Variants in ERC2 observed in about 807,000 individuals in gnomAD.
The protein encoded by ERC2 is ERC protein 2.
ERC2 carries 42 observed loss-of-function variants against 114.8 expected under a neutral mutation model. That is an observed-to-expected ratio of 0.37 (90% confidence interval 0.29 to 0.47). The LOEUF (loss-of-function observed/expected upper bound fraction) is 0.47, where lower values mean the gene tolerates loss of function less well. Among genes scored for constraint, ERC2 ranks in the 20% least tolerant of loss-of-function variants. The pLI is 0.99. For missense variants in ERC2, 939 were observed against 1,150.7 expected (o/e 0.82, Z 2.66); for synonymous variants, 454 against 425.5 (o/e 1.07, Z -0.82).
chr3:55,770,950 C>T (rs2068155341), intron 14 of ERC2, among the ~76,000 whole-genome samples: 1 of 152,170 alleles, frequency 6.6e-6, no homozygotes, highest in South Asian at 2.1e-4. Context: ...CTAGCTTCAT[C>T]CATGCCCCTG....
intron 6 of ERC2, among the ~76,000 whole-genome samples, chr3:56,104,947 G>GT (rs1185189204): frequency 6.7e-6 from 1 of 150,006 alleles, no homozygotes; most frequent in East Asian, 2.0e-4. Context: ...CCTGCAGTTG[G>GT]AGGGAGCTGC....
chr3:56,255,115 T>C (rs922159415), intron 3 of ERC2, among the ~76,000 whole-genome samples: 2 of 152,246 alleles, frequency 1.3e-5, no homozygotes, highest in African/African-American at 4.8e-5. Flanking sequence ...AACACAGTTA[T>C]CATTTGTTCA....
intron 17 of ERC2, among the ~76,000 whole-genome samples, chr3:55,558,589 G>T (rs2055786375): frequency 6.6e-6 from 1 of 152,248 alleles, no homozygotes; most frequent in African/African-American, 2.4e-5. Context: ...GAAGTTAACA[G>T]AAGTTTGTCT....
At position 55,777,702 on chromosome 3, in the gene ERC2, G is replaced by A. The variant is rs149863212; in HGVS notation, c.2565-42784C>T. Among the ~76,000 whole-genome samples, 8 of 152,216 alleles carry A rather than the reference G, an allele frequency of 5.3e-5. No homozygotes were observed. In the East Asian group the frequency reaches 9.6e-4, roughly 18 times the overall value. The stretch of plus-strand genomic sequence containing the variant: ...CAGGCTTTAGCTGATCCCCCTAACC[G>A]ACAAATAATGCTTGACAATTACACA... On this transcript the variant is annotated intron_variant, in intron 14 of 17. Transcript: ENST00000288221.
chr3:56,088,772 G>T (rs989359706), intron 6 of ERC2, among the ~76,000 whole-genome samples: 7 of 152,250 alleles, frequency 4.6e-5, no homozygotes, highest in Middle Eastern at 3.4e-3. Context: ...GATAATAACA[G>T]TACGTCCTTC....
intron 14 of ERC2, among the ~76,000 whole-genome samples, chr3:55,796,055 A>C (rs1246055852): frequency 1.3e-5 from 2 of 152,238 alleles, no homozygotes; most frequent in East Asian, 1.9e-4. Flanking sequence ...TTTGGTGAGC[A>C]ACAGTGAGAA....
At chr3:56,149,952 T>C (rs916830538) in intron 4 of ERC2, among the ~76,000 whole-genome samples, 3 of 152,116 alleles carry the variant, frequency 2.0e-5, no homozygotes, top group Non-Finnish European at 4.4e-5. Flanking sequence ...AGAGCTCTTA[T>C]AGGGTAACCA....
At chr3:55,542,041 G>A (rs1209480398) in intron 17 of ERC2, among the ~76,000 whole-genome samples, 3 of 152,162 alleles carry the variant, frequency 2.0e-5, no homozygotes, top group South Asian at 4.1e-4. Context: ...CAGAGTTGAC[G>A]TTTTAAACCC....
chr3:55,837,511 A>C (rs1388697654), intron 14 of ERC2, among the ~76,000 whole-genome samples: 2 of 150,738 alleles, frequency 1.3e-5, no homozygotes, highest in Non-Finnish European at 2.9e-5. Context: ...AGGACAAAAA[A>C]CCAAATACCA....
chr3:56,213,553 G>A (rs879290271), intron 3 of ERC2, among the ~76,000 whole-genome samples: 176 of 152,292 alleles, frequency 1.2e-3, no homozygotes, highest in Non-Finnish European at 2.1e-3. Flanking sequence ...CCAGCTCAAG[G>A]AGGCCTGCCT....
intron 2 of ERC2, among the ~76,000 whole-genome samples, chr3:56,349,702 C>G (rs1428588344): frequency 1.3e-5 from 2 of 152,116 alleles, no homozygotes; most frequent in Non-Finnish European, 2.9e-5. Context: ...GTCAGCAGTT[C>G]GAGACCAACC....
chr3:56,250,809 T>C (rs1310234237), intron 3 of ERC2, among the ~76,000 whole-genome samples: 1 of 152,236 alleles, frequency 6.6e-6, no homozygotes, highest in Non-Finnish European at 1.5e-5. Context: ...TAAATGGATG[T>C]GTGAAATTCC....
intron 14 of ERC2, among the ~76,000 whole-genome samples, chr3:55,736,062 T>A (rs74855826): frequency 0.023 from 3,572 of 152,252 alleles, 110 homozygotes; most frequent in African/African-American, 0.066. Flanking sequence ...TAAAAACATC[T>A]ACGAACCATC....
intron 17 of ERC2, among the ~76,000 whole-genome samples, chr3:55,522,274 C>G (rs562583739): frequency 6.6e-6 from 1 of 152,236 alleles, no homozygotes; most frequent in Non-Finnish European, 1.5e-5. Flanking sequence ...TGGGTGAAGT[C>G]AGGCCTTTTA....
At chr3:55,872,783 CATGAG>C (rs1170016972) in intron 14 of ERC2, among the ~76,000 whole-genome samples, 1 of 152,136 alleles carries the variant, frequency 6.6e-6, no homozygotes, top group Non-Finnish European at 1.5e-5. Context: ...AGGTGCTGGG[CATGAG>C]CCAGTGTTAA....
At chr3:56,344,564 G>T (rs1454757738) in intron 2 of ERC2, among the ~76,000 whole-genome samples, 1 of 152,170 alleles carries the variant, frequency 6.6e-6, no homozygotes, top group Non-Finnish European at 1.5e-5. Context: ...CTAAGAAAGG[G>T]TGGACCTGAC....
intron 14 of ERC2, among the ~76,000 whole-genome samples, chr3:55,839,634 A>G (rs1236409087): frequency 6.6e-6 from 1 of 151,998 alleles, no homozygotes; most frequent in East Asian, 1.9e-4. Flanking sequence ...ATAGAGTTTA[A>G]TAAGTTAAAG....
intron 14 of ERC2, among the ~76,000 whole-genome samples, chr3:55,838,256 A>G (rs1046485280): frequency 2.0e-5 from 3 of 152,202 alleles, no homozygotes; most frequent in African/African-American, 7.2e-5. Flanking sequence ...CAGAATACAC[A>G]TTCTTTTCTA....
intron 16 of ERC2, among the ~76,000 whole-genome samples, chr3:55,691,564 AAAAAAAAAAATATATATATATAT>A (rs1183896265): frequency 1.7e-5 from 1 of 59,980 alleles, no homozygotes; most frequent in African/African-American, 6.7e-5. Context: ...AAAAAAAAAA[AAAAAAAAAAATATATATATATAT>A]ATATATATAT....
Sources: gnomAD v4.1 joint callset for allele counts (sites outside exome capture counted in the v4.1 genomes callset) on GRCh38, gnomAD v4.1.1 for gene constraint, MANE v1.5 for transcripts, NCBI Gene and HGNC (gene_info 2026-07-23, HGNC 2026-07-21) for gene names.